The following CLIP4 variants were observed in gnomAD, a reference collection of about 807,000 sequenced individuals.
CLIP4 encodes CAP-Gly domain containing linker protein family member 4.
Under a neutral mutation model 73.1 loss-of-function variants are expected in CLIP4, and 47 were observed. The observed-to-expected ratio is 0.64, with a 90% confidence interval of 0.51 to 0.82. The LOEUF is 0.82. Among genes scored for constraint, CLIP4 ranks in the 40% least tolerant of loss-of-function variants. The pLI is 0.00. For synonymous variants in CLIP4, 306 were observed against 295.4 expected (o/e 1.04, Z -0.37); for missense variants, 874 against 852.9 (o/e 1.02, Z -0.31).
chr2:29,161,491 A>G (rs149850927), intron 12 of CLIP4, among the ~76,000 whole-genome samples: 1 of 152,284 alleles, frequency 6.6e-6, no homozygotes. Context: ...CCTATTTGCA[A>G]GCTAACAAAT....
intron 10 of CLIP4, 133 bp from the exon 11 acceptor site, chr2:29,157,071 C>T: frequency 1.4e-6 from 1 of 705,988 alleles, no homozygotes; most frequent in Non-Finnish European, 2.5e-6. Context: ...TGAAATTAGG[C>T]ATTTAATTTG....
At chr2:29,122,270 T>C (rs963141534) in intron 2 of CLIP4, among the ~76,000 whole-genome samples, 1 of 151,430 alleles carries the variant, frequency 6.6e-6, no homozygotes, top group Non-Finnish European at 1.5e-5. Context: ...TCAGATTCTT[T>C]AGCAGCTTAC....
chr2:29,156,005 CTG>C (rs1162523043), intron 9 of CLIP4, among the ~76,000 whole-genome samples: 2 of 152,238 alleles, frequency 1.3e-5, no homozygotes, highest in African/African-American at 2.4e-5. Flanking sequence ...TCACTATTTT[CTG>C]TGTCTTAAGA....
At chr2:29,149,728 TAAAA>T (rs10532407) in intron 8 of CLIP4, among the ~76,000 whole-genome samples, 2 of 144,484 alleles carry the variant, frequency 1.4e-5, no homozygotes, top group South Asian at 2.2e-4. Context: ...CTTTGGCTAA[TAAAA>T]AAAAAAAAAA....
At chr2:29,162,660 T>G (rs1383663611) in intron 12 of CLIP4, among the ~76,000 whole-genome samples, 1 of 152,196 alleles carries the variant, frequency 6.6e-6, no homozygotes, top group Non-Finnish European at 1.5e-5. Flanking sequence ...ATTGTAACTG[T>G]AGCACTGAGA....
chr2:29,180,606 T>C (rs902350745), intron 15 of CLIP4, among the ~76,000 whole-genome samples: 4 of 152,210 alleles, frequency 2.6e-5, no homozygotes, highest in Admixed American at 6.5e-5. Flanking sequence ...AGATTTACAG[T>C]TTTTAAAATT....
chr2:29,172,141 A>T (rs940253269), intron 14 of CLIP4, among the ~76,000 whole-genome samples: 1 of 151,296 alleles, frequency 6.6e-6, no homozygotes, highest in African/African-American at 2.4e-5. Context: ...AATGATTTTT[A>T]TCCTTTCTCA....
chr2:29,167,446 C>G (rs1284302566), intron 13 of CLIP4, 30 bp from the exon 14 acceptor site: 6 of 1,540,452 alleles, frequency 3.9e-6, no homozygotes, highest in Non-Finnish European at 5.3e-6. Context: ...CCAGCTACTT[C>G]TAACGAGATG....
intron 14 of CLIP4, among the ~76,000 whole-genome samples, chr2:29,171,582 G>A (rs1298183771): frequency 2.0e-5 from 3 of 149,602 alleles, no homozygotes; most frequent in East Asian, 2.0e-4. Flanking sequence ...GCAGTGGCAC[G>A]ATCTTGGCTC....
intron 9 of CLIP4, among the ~76,000 whole-genome samples, chr2:29,154,025 C>T (rs1666754741): frequency 6.6e-6 from 1 of 152,152 alleles, no homozygotes; most frequent in African/African-American, 2.4e-5. Context: ...GACATCTTTA[C>T]AATAGTCAGT....
At chr2:29,124,603 AACTCAC>A (rs1664476778) in intron 2 of CLIP4, among the ~76,000 whole-genome samples, 1 of 151,882 alleles carries the variant, frequency 6.6e-6, no homozygotes, top group Non-Finnish European at 1.5e-5. Context: ...GTTGTCCCAT[AACTCAC>A]TGATTTATTT....
chr2:29,104,348 T>C (rs35874130), intron 1 of CLIP4, among the ~76,000 whole-genome samples: 165 of 152,290 alleles, frequency 1.1e-3, no homozygotes, highest in Non-Finnish European at 2.0e-3. Flanking sequence ...AGATCTTGTC[T>C]TACAGCAACC....
chr2:29,132,859 A>C lies in CLIP4; in HGVS notation c.367+614A>C, dbSNP rs976942954. On this transcript the variant is annotated intron_variant, in intron 4 of 15. Transcript: ENST00000320081. ...ATGAATTTATAATACAAAATAAAATAAAGCCATAAAATATAAGCCCAAATA... is the reference window on the plus strand; with the variant it reads ...ATGAATTTATAATACAAAATAAAATCAAGCCATAAAATATAAGCCCAAATA... Among the ~76,000 whole-genome samples the C allele has an allele frequency of 2.6e-5, 4 of 152,222 alleles. 1 individual carries two copies. In the South Asian group the frequency reaches 8.3e-4, roughly 32 times the overall value.
intron 6 of CLIP4, among the ~76,000 whole-genome samples, chr2:29,137,019 T>C (rs1416816755): frequency 6.6e-6 from 1 of 152,034 alleles, no homozygotes; most frequent in Non-Finnish European, 1.5e-5. Flanking sequence ...ATAGCCGCCA[T>C]CTTATTTTTT....
In CLIP4 at chr2:29,160,382, G is replaced by A; in HGVS notation, c.1449G>A (p.Gly483=). The change falls in exon 12 of 16, where the codon GGG becomes GGA. Residue 483 remains glycine, a synonymous_variant. Coordinates refer to ENST00000320081, the MANE Select transcript of CLIP4 (RefSeq NM_024692.6). The part of the protein sequence containing the change: ...TSTANNSRCE[G]ELRLGERVLV... ...CAGCAAATAATAGCCGTTGCGAGGG[G>A]GAACTCCGCCTCGGAGAGAGAGTGT... 6.2e-7 allele frequency: 1 copy of A among 1,614,174 alleles called. No individual in the cohort carries two copies. The highest frequency in any genetic ancestry group is 1.3e-5 in the African/African-American group (1 of 75,046).
intron 8 of CLIP4, among the ~76,000 whole-genome samples, chr2:29,147,293 TA>T (rs1666236068): frequency 6.6e-6 from 1 of 152,080 alleles, no homozygotes. Context: ...ATTTTCCCAG[TA>T]AAAATTGGGA....
intron 8 of CLIP4, among the ~76,000 whole-genome samples, chr2:29,151,606 A>T (rs974502201): frequency 2.0e-5 from 3 of 152,182 alleles, no homozygotes; most frequent in Non-Finnish European, 4.4e-5. Context: ...GCAGGAAAGT[A>T]GTGTAGTTGG....
chr2:29,179,182 C>T (rs2123442), intron 15 of CLIP4, among the ~76,000 whole-genome samples: 70,009 of 152,078 alleles, frequency 0.46, 17,338 homozygotes, highest in East Asian at 0.91. Context: ...TTTTTCTCAG[C>T]TAATTTTTAC....
At chr2:29,172,318 T>C (rs1668061578) in intron 14 of CLIP4, among the ~76,000 whole-genome samples, 1 of 152,182 alleles carries the variant, frequency 6.6e-6, no homozygotes, top group Non-Finnish European at 1.5e-5. Flanking sequence ...TAAAATTTCA[T>C]GTATATAAAA....
Sources: allele counts gnomAD v4.1 joint callset (sites outside exome capture counted in the v4.1 genomes callset), GRCh38; gene constraint gnomAD v4.1.1; transcripts MANE v1.5; gene names NCBI Gene and HGNC (gene_info 2026-07-23, HGNC 2026-07-21).